The following MTHFD1 variants were observed in gnomAD, a reference collection of about 807,000 sequenced individuals.
The protein encoded by MTHFD1 is C-1-tetrahydrofolate synthase, cytoplasmic.
In MTHFD1, 44 loss-of-function variants were observed where a neutral mutation model predicts 110.3. That is an observed-to-expected ratio of 0.40 (90% confidence interval 0.31 to 0.51). The LOEUF (loss-of-function observed/expected upper bound fraction) is 0.51. Among genes scored for constraint, MTHFD1 ranks in the 20% least tolerant of loss-of-function variants. The probability of loss-of-function intolerance (pLI) is 0.60; values close to 1 mark genes in which losing one functional copy is unlikely to be tolerated. For synonymous variants in MTHFD1, 402 were observed against 428.8 expected (o/e 0.94, Z 0.77); for missense variants, 909 against 1,173.1 (o/e 0.77, Z 3.29).
intron 24 of MTHFD1, among the ~76,000 whole-genome samples, chr14:64,449,874 T>G (rs947098668): frequency 1.6e-4 from 24 of 152,216 alleles, no homozygotes. Flanking sequence ...CTGCAACCTC[T>G]GCCTCCTGGG....
At chr14:64,389,952 T>C (rs1165385657) in intron 1 of MTHFD1, among the ~76,000 whole-genome samples, 1 of 152,232 alleles carries the variant, frequency 6.6e-6, no homozygotes, top group Non-Finnish European at 1.5e-5. Flanking sequence ...TCTGGGCCAG[T>C]ACTGAGAATA....
Position 64,458,367 on chromosome 14 carries a change from T to C in MTHFD1, c.*4+60T>C, listed in dbSNP as rs141192394. ...CCTCATGTAGCTTATTTATGAATTA[T>C]AGGGCTCAAACTGACGCTATAAAAA... is the stretch of plus-strand genomic sequence containing the variant. On this transcript the variant is annotated intron_variant, in intron 27 of 27. Coordinates refer to ENST00000652337, the MANE Select transcript of MTHFD1 (RefSeq NM_005956.4). The C allele has an allele frequency of 4.9e-4, 531 of 1,080,444 alleles. No homozygotes were observed. The African/African-American group carries it at 7.1e-3, about 14-fold the overall frequency. The allele number at this position is 1,080,444 out of a possible 1,614,324, so 66.9% of individuals were successfully genotyped here.
chr14:64,434,193 A>T (rs2140970154), intron 15 of MTHFD1, among the ~76,000 whole-genome samples: 1 of 152,292 alleles, frequency 6.6e-6, no homozygotes, highest in African/African-American at 2.4e-5. Context: ...TATCGGGATA[A>T]AATCACTTTT....
chr14:64,448,310 G>A lies in MTHFD1; in HGVS notation c.2272G>A (p.Ala758Thr). The change falls in exon 23 of 28, where the codon GCA becomes ACA. Residue 758 changes from alanine (A) to threonine (T), a missense_variant. Transcript: ENST00000652337. ...FGIPVVVAVNAFKTDTESELD... is the reference protein window; with the variant it reads ...FGIPVVVAVNTFKTDTESELD... ...AATTCCAGTAGTAGTGGCCGTGAAT[G>A]CATTCAAGTAAGTGTAGAGTGTAAG... 3 of 1,610,256 alleles carry A rather than the reference G, an allele frequency of 1.9e-6. No individual in the cohort carries two copies. The highest frequency in any genetic ancestry group is 2.6e-6 in the Non-Finnish European group (3 of 1,176,400).
intron 24 of MTHFD1, 62 bp downstream of exon 24, chr14:64,449,684 T>C (rs1566575893): frequency 6.4e-7 from 1 of 1,572,884 alleles, no homozygotes; most frequent in South Asian, 1.1e-5. Flanking sequence ...GAAGTTTCTG[T>C]GTGGCTACTT....
intron 26 of MTHFD1, among the ~76,000 whole-genome samples, chr14:64,457,293 G>A (rs779611194): frequency 2.0e-5 from 3 of 152,144 alleles, no homozygotes; most frequent in Non-Finnish European, 2.9e-5. Flanking sequence ...CTTGCAAAGC[G>A]TGAGCTGAGG....
chr14:64,397,802 C>T (rs1820420194), intron 1 of MTHFD1, among the ~76,000 whole-genome samples: 2 of 151,968 alleles, frequency 1.3e-5, no homozygotes, highest in African/African-American at 4.8e-5. Context: ...GTTGAAATGT[C>T]CATGTTATAT....
chr14:64,415,552 T>A, intron 5 of MTHFD1, 58 bp downstream of exon 5: 2 of 1,613,572 alleles, frequency 1.2e-6, no homozygotes, highest in Non-Finnish European at 1.7e-6. Flanking sequence ...AATATGTTTC[T>A]ATTTGGGGAA....
At chr14:64,453,451 A>G (rs2078410848) in intron 24 of MTHFD1, among the ~76,000 whole-genome samples, 1 of 152,038 alleles carries the variant, frequency 6.6e-6, no homozygotes, top group Non-Finnish European at 1.5e-5. Flanking sequence ...CATGCCTATA[A>G]TCCCAGCTAC....
Position 64,424,830 on chromosome 14 carries a change from G to A in MTHFD1, c.754G>A (p.Val252Ile), listed in dbSNP as rs1466092928. The A allele has an allele frequency of 1.9e-6, 3 of 1,614,002 alleles. No homozygotes were observed. Among genetic ancestry groups the A allele is most frequent in the Admixed American group, 3.3e-5 (2 of 59,964 alleles). Residue 252 changes from valine (V) to isoleucine (I), a missense_variant, in exon 9 of 28, where the codon GTT (valine) becomes ATT (isoleucine). Val to Ile is a conservative substitution (Grantham distance 29, BLOSUM62 3). Around this residue, in one of 3 missense-constraint regions of MTHFD1, gnomAD observed 424 missense variants for 510.4 expected, o/e 0.83. Transcript: ENST00000652337. ...TGATAAAAAACCAAATGGGAGAAAAGTTGTGGGTGATGTGGCATACGACGA... is the reference window on the plus strand; with the variant it reads ...TGATAAAAAACCAAATGGGAGAAAAATTGTGGGTGATGTGGCATACGACGA... ...PDDKKPNGRK[V>I]VGDVAYDEAK...
chr14:64,439,244 C>A, intron 17 of MTHFD1, 72 bp downstream of exon 17: 1 of 1,105,498 alleles, frequency 9.0e-7, no homozygotes, highest in Non-Finnish European at 1.4e-6. Flanking sequence ...CCTCCTCCAT[C>A]CTCTCTCATA....
chr14:64,434,013 G>A (rs1307780013), intron 15 of MTHFD1, among the ~76,000 whole-genome samples: 3 of 152,066 alleles, frequency 2.0e-5, no homozygotes, highest in Non-Finnish European at 4.4e-5. Context: ...CTGGGTGACA[G>A]ACAGAGACTG....
At chr14:64,436,678 G>A (rs918298496) in intron 16 of MTHFD1, among the ~76,000 whole-genome samples, 8 of 152,172 alleles carry the variant, frequency 5.3e-5, no homozygotes, top group Admixed American at 3.3e-4. Flanking sequence ...CTCAATAACC[G>A]TTGCTAGCTA....
In MTHFD1 at chr14:64,436,860, GT is replaced by G. The variant is rs530580227; in HGVS notation, c.1597+1193del. On this transcript the variant is annotated intron_variant, in intron 16 of 27. Coordinates refer to ENST00000652337, the MANE Select transcript of MTHFD1 (RefSeq NM_005956.4). The stretch of plus-strand genomic sequence containing the variant: ...TTCTTTTGCTTCGTGTCTCATTCAT[GT>G]TTTCTAAGCAACTAGAGGCAGTCAT... 3.5e-3 allele frequency among the ~76,000 whole-genome samples: 526 copies of G among 152,280 alleles called. 1 individual carries two copies. The highest frequency in any genetic ancestry group is 4.4e-3 in the Non-Finnish European group (299 of 68,020).
At chr14:64,427,919 C>A (rs376862642) in intron 12 of MTHFD1, among the ~76,000 whole-genome samples, 2 of 152,102 alleles carry the variant, frequency 1.3e-5, no homozygotes, top group African/African-American at 4.8e-5. Context: ...ATTCTATCAT[C>A]CAGTACGAGA....
At chr14:64,425,003 T>A in intron 9 of MTHFD1, 72 bp downstream of exon 9, 1 of 1,580,244 alleles carries the variant, frequency 6.3e-7, no homozygotes, top group South Asian at 1.1e-5. Flanking sequence ...TCTCCCCAAG[T>A]AGAAATGTCA....
At chr14:64,429,033 T>C (rs1369195425) in intron 12 of MTHFD1, among the ~76,000 whole-genome samples, 1 of 151,734 alleles carries the variant, frequency 6.6e-6, no homozygotes, top group Non-Finnish European at 1.5e-5. Context: ...AAAATACATA[T>C]TAATATATCT....
intron 8 of MTHFD1, 131 bp from the exon 9 acceptor site, chr14:64,424,673 C>T: frequency 1.0e-6 from 1 of 975,850 alleles, no homozygotes; most frequent in Non-Finnish European, 1.6e-6. Flanking sequence ...CATTCCATAG[C>T]TTTTAAGTTA....
At chr14:64,430,077 TA>T (rs1384089787) in intron 12 of MTHFD1, 106 bp from the exon 13 acceptor site, 8 of 963,466 alleles carry the variant, frequency 8.3e-6, no homozygotes, top group Non-Finnish European at 1.3e-5. Context: ...AAAAAATAAA[TA>T]AATAAATGTG....
Sources: gnomAD v4.1 joint callset for allele counts (sites outside exome capture counted in the v4.1 genomes callset) on GRCh38, gnomAD v4.1.1 for gene constraint, gnomAD v4.1.1 regional missense constraint, MANE v1.5 for transcripts, NCBI Gene and HGNC (gene_info 2026-07-23, HGNC 2026-07-21) for gene names.